Variants in PSG9 observed in about 807,000 individuals in gnomAD.
The protein encoded by PSG9 is pregnancy specific beta-1-glycoprotein 9.
In PSG9, 49 loss-of-function variants were observed where a neutral mutation model predicts 41.9. The ratio of observed to expected loss-of-function variants is 1.17; its 90% CI spans 0.93 to 1.48. The LOEUF is 1.48. Among genes scored for constraint, PSG9 ranks in the 40% most tolerant of loss-of-function variants. The pLI is 0.00. For synonymous variants in PSG9, 263 were observed against 196.8 expected, an observed-to-expected ratio of 1.34 and a Z score of -2.82; for missense variants, 641 against 520.3, an observed-to-expected ratio of 1.23 and a Z score of -2.26.
intron 2 of PSG9, among the ~76,000 whole-genome samples, chr19:43,266,936 A>G (rs1968997066): frequency 6.6e-6 from 1 of 152,188 alleles, no homozygotes; most frequent in African/African-American, 2.4e-5. Context: ...ATCTGTGAAT[A>G]AATGTTAAAT....
At chr19:43,264,734 G>C (rs545196771) in intron 2 of PSG9, among the ~76,000 whole-genome samples, 6 of 152,292 alleles carry the variant, frequency 3.9e-5, no homozygotes, top group East Asian at 1.9e-4. Flanking sequence ...TTATAGGCTT[G>C]AGCCACTGAG....
intron 2 of PSG9, among the ~76,000 whole-genome samples, chr19:43,266,552 C>G (rs933437770): frequency 1.6e-4 from 24 of 152,016 alleles, no homozygotes; most frequent in South Asian, 4.2e-4. Context: ...CAGGATTTCA[C>G]GTTCAGTGAT....
chr19:43,257,218 T>A (rs1158017375), intron 5 of PSG9: 2 of 310,630 alleles, frequency 6.4e-6, no homozygotes, highest in Non-Finnish European at 9.1e-6. Flanking sequence ...AGAGTTACTG[T>A]TTATTGGGTA....
At chr19:43,265,955 G>A (rs775962881) in intron 2 of PSG9, among the ~76,000 whole-genome samples, 2 of 152,098 alleles carry the variant, frequency 1.3e-5, no homozygotes, top group Admixed American at 6.5e-5. Context: ...GGTGGGCCAG[G>A]CCACAGTGTT....
intron 2 of PSG9, among the ~76,000 whole-genome samples, chr19:43,264,624 AT>A (rs1341437428): frequency 6.6e-6 from 1 of 151,798 alleles, no homozygotes; most frequent in South Asian, 2.1e-4. Context: ...CGCCCGGCTA[AT>A]TTTTTGTATT....
chr19:43,269,459 T>G lies in PSG9; in HGVS notation c.-28A>C. ...TCTCTGCTGCCTGTGTGTTCTCCTC[T>G]GTGGAGATGAGCCTGGGATCCAGAA... On this transcript the variant is annotated 5_prime_UTR_variant, in exon 1 of 6. Transcript: ENST00000270077. 1 of 1,612,630 alleles carries G rather than the reference T, an allele frequency of 6.2e-7. No individual in the cohort carries two copies. The highest frequency in any genetic ancestry group is 8.5e-7 in the Non-Finnish European group (1 of 1,179,052).
chr19:43,262,100 T>A lies in PSG9; in HGVS notation c.469A>T (p.Asn157Tyr). ...PKPYISSSNL[N>Y]PREAMEAVRL... The stretch of plus-strand genomic sequence containing the variant: ...ACAGCCTCCATGGCCTCCCTGGGGT[T>A]TAAGTTGCTGCTGGAGATGTAGGGC... The change falls in exon 3 of 6, where the codon AAC becomes TAC. Residue 157 changes from asparagine (N) to tyrosine (Y), a missense_variant. Physicochemically the swap from Asn to Tyr is moderately radical, Grantham distance 143. Transcript: ENST00000270077. 1.2e-6 allele frequency: 2 copies of A among 1,613,888 alleles called. No homozygotes were observed. Among genetic ancestry groups the A allele is most frequent in the South Asian group, 1.1e-5 (1 of 91,062 alleles).
At chr19:43,265,887 G>A (rs1968943088) in intron 2 of PSG9, among the ~76,000 whole-genome samples, 1 of 152,152 alleles carries the variant, frequency 6.6e-6, no homozygotes, top group Non-Finnish European at 1.5e-5. Flanking sequence ...GGCTGGAGAT[G>A]AAGCCAGGCA....
rs573757739 is a variant in PSG9, at chr19:43,267,641, G to T, written c.430+143C>A. 5 of 1,385,610 alleles carry T rather than the reference G, an allele frequency of 3.6e-6. No individual in the cohort carries two copies. The East Asian group carries it at 9.2e-5, about 26-fold the overall frequency. The allele number at this position is 1,385,610 out of a possible 1,614,324, so 85.8% of individuals were successfully genotyped here. A position where few individuals can be genotyped will look rare whatever the true frequency, so the allele number is the denominator to read the frequency against. ...GTTGAAATTTGTCTCCTCTGTGTGT[G>T]TCCTGCACTAAATGCCCAAACCCCA... is the stretch of plus-strand genomic sequence containing the variant. On this transcript the variant is annotated intron_variant, in intron 2 of 5. Transcript: ENST00000270077.
intron 2 of PSG9, among the ~76,000 whole-genome samples, chr19:43,265,109 G>A (rs1042345241): frequency 3.9e-5 from 6 of 152,110 alleles, no homozygotes; most frequent in Non-Finnish European, 7.4e-5. Flanking sequence ...CTAACCTTGG[G>A]AGGAATTTAT....
chr19:43,263,184 C>T (rs972167918), intron 2 of PSG9, among the ~76,000 whole-genome samples: 4 of 152,080 alleles, frequency 2.6e-5, no homozygotes, highest in Admixed American at 1.3e-4. Context: ...TTTGCAGGAG[C>T]TGGGATCAGG....
At chr19:43,255,633 A>T (rs377544945) in intron 5 of PSG9, among the ~76,000 whole-genome samples, 1 of 147,068 alleles carries the variant, frequency 6.8e-6, no homozygotes, top group Non-Finnish European at 1.5e-5. Flanking sequence ...ACCTAATTAG[A>T]ATTAATAAAT....
chr19:43,263,704 C>G (rs1968835515), intron 2 of PSG9, among the ~76,000 whole-genome samples: 1 of 151,826 alleles, frequency 6.6e-6, no homozygotes, highest in South Asian at 2.1e-4. Flanking sequence ...CTCTTGAGAC[C>G]AAAATAAGGT....
chr19:43,269,158 C>T (rs1969128579), intron 1 of PSG9, among the ~76,000 whole-genome samples: 1 of 152,088 alleles, frequency 6.6e-6, no homozygotes, highest in South Asian at 2.1e-4. Context: ...GAGTACACCA[C>T]CATACCTGGT....
Position 43,267,999 on chromosome 19 carries a change from A to G in PSG9, c.215T>C (p.Met72Thr). Reference sequence around the variant, plus strand: ...TATAATGTAATGGTAGAGGTCCGTCATTTCCCCTTTGTACCAGAAGTAGCC... The same window carrying G: ...TATAATGTAATGGTAGAGGTCCGTCGTTTCCCCTTTGTACCAGAAGTAGCC... ...LPGYFWYKGE[M>T]TDLYHYIISY... is the part of the protein sequence containing the mutation. The change falls in exon 2 of 6, where the codon ATG becomes ACG. Residue 72 changes from methionine (M) to threonine (T), a missense_variant. Coordinates refer to ENST00000270077, the MANE Select transcript of PSG9 (RefSeq NM_002784.5). 1.2e-6 allele frequency: 2 copies of G among 1,613,876 alleles called. No homozygotes were observed. Among genetic ancestry groups the G allele is most frequent in the Non-Finnish European group, 1.7e-6 (2 of 1,179,872 alleles).
chr19:43,265,829 A>C (rs34637286), intron 2 of PSG9, among the ~76,000 whole-genome samples: 35,185 of 152,020 alleles, frequency 0.23, 4,603 homozygotes, highest in East Asian at 0.48. Context: ...GGAAAGAGCC[A>C]TGGATGGGAA....
intron 1 of PSG9, among the ~76,000 whole-genome samples, chr19:43,268,853 T>C (rs972495583): frequency 9.9e-5 from 15 of 152,182 alleles, no homozygotes; most frequent in Non-Finnish European, 1.3e-4. Flanking sequence ...TTTTTCAAAA[T>C]GTGGTGGCCC....
rs779358971 is a variant in PSG9 at position 43,262,076 on chromosome 19, C to G, written c.493G>C (p.Val165Leu). 3 of 1,614,004 alleles carry G rather than the reference C, an allele frequency of 1.9e-6. No individual in the cohort carries two copies. The highest frequency in any genetic ancestry group is 2.5e-6 in the Non-Finnish European group (3 of 1,179,918). Residue 165 changes from valine (V) to leucine (L), a missense_variant, in exon 3 of 6, where the codon GTG (valine) becomes CTG (leucine). Val to Leu is a conservative substitution (Grantham distance 32). Transcript: ENST00000270077. ...NLNPREAMEAVRLICDPETLD... is the reference protein window; with the variant it reads ...NLNPREAMEALRLICDPETLD... ...GTCTCAGGATCACAGATTAAGCGCA[C>G]AGCCTCCATGGCCTCCCTGGGGTTT...
chr19:43,253,690 C>T, intron 5 of PSG9, 44 bp from the exon 6 acceptor site: 1 of 1,194,806 alleles, frequency 8.4e-7, no homozygotes, highest in Non-Finnish European at 1.2e-6. Context: ...AAATTCACTA[C>T]CTCCTTTACA....
Sources: allele counts gnomAD v4.1 joint callset (sites outside exome capture counted in the v4.1 genomes callset), GRCh38; gene constraint gnomAD v4.1.1; transcripts MANE v1.5; gene names NCBI Gene and HGNC (gene_info 2026-07-23, HGNC 2026-07-21).